MED16: variants seen among roughly 807,000 people sequenced by gnomAD.
MED16 encodes mediator of RNA polymerase II transcription subunit 16.
Under a neutral mutation model 84.4 loss-of-function variants are expected in MED16, and 81 were observed. The ratio of observed to expected loss-of-function variants is 0.96; its 90% CI spans 0.80 to 1.15. The LOEUF (loss-of-function observed/expected upper bound fraction) is 1.15, where lower values mean the gene tolerates loss of function less well. Ranked by LOEUF, MED16 falls within the 50% of genes most tolerant of loss-of-function variation. The pLI is 0.00. For synonymous variants in MED16, 897 were observed against 552.2 expected, an observed-to-expected ratio of 1.62 and a Z score of -8.76; for missense variants, 1,585 against 1,245.9, an observed-to-expected ratio of 1.27 and a Z score of -4.10.
intron 2 of MED16, 86 bp downstream of exon 2, chr19:890,877 C>G: frequency 7.0e-7 from 1 of 1,421,008 alleles, no homozygotes; most frequent in Non-Finnish European, 9.5e-7. Flanking sequence ...GAGACCGAGT[C>G]CCTTCAAGGC....
intron 13 of MED16, among the ~76,000 whole-genome samples, chr19:869,362 G>A (rs910911434): frequency 6.6e-6 from 1 of 151,888 alleles, no homozygotes; most frequent in Non-Finnish European, 1.5e-5. Flanking sequence ...CCGGCCTGGA[G>A]GTGCCGGGAC....
chr19:876,805 G>A (rs1203149521), intron 9 of MED16, among the ~76,000 whole-genome samples, 169 bp downstream of exon 9: 4 of 152,200 alleles, frequency 2.6e-5, no homozygotes, highest in African/African-American at 7.2e-5. Flanking sequence ...CCCTGCTGCT[G>A]GCACTTTACT....
rs1374151603 is a variant in MED16, at chr19:879,152, G to A, written c.1353+785C>T. ...GCCCCAGCCCCAGCCCCAGCCCCACGTGCCCCAGCAGCTCGCCTTCCCCTG... is the reference window on the plus strand; with the variant it reads ...GCCCCAGCCCCAGCCCCAGCCCCACATGCCCCAGCAGCTCGCCTTCCCCTG... On this transcript the variant is annotated intron_variant, in intron 8 of 15. Coordinates refer to ENST00000325464, the MANE Select transcript of MED16 (RefSeq NM_005481.3). Among the ~76,000 whole-genome samples, 6 of 73,120 alleles carry A rather than the reference G, an allele frequency of 8.2e-5. No homozygotes were observed. The Admixed American group carries it at 8.7e-4, about 11-fold the overall frequency. The allele number at this position is 73,120 out of a possible 152,430, so 48.0% of individuals were successfully genotyped here.
Position 872,101 on chromosome 19 carries a change from C to A in MED16, c.1923G>T (p.Pro641=). The A allele has an allele frequency of 1.2e-6, 2 of 1,605,878 alleles. No homozygotes were observed. Among genetic ancestry groups the A allele is most frequent in the South Asian group, 1.1e-5 (1 of 90,516 alleles). ...SLPNQGSLLR[P]GHSFLRDGTS... is the part of the protein sequence containing the mutation. Reference sequence around the variant, plus strand: ...TGCCGTCCCGCAGAAAGCTGTGGCCCGGCCTCAGCAGGGAACCCTGCCCGA... The same window carrying A: ...TGCCGTCCCGCAGAAAGCTGTGGCCAGGCCTCAGCAGGGAACCCTGCCCGA... The change falls in exon 12 of 16, where the codon CCG becomes CCT. Residue 641 remains proline (P), a synonymous_variant. Transcript: ENST00000325464.
Position 871,721 on chromosome 19 carries a change from G to A in MED16, c.2098+205C>T, listed in dbSNP as rs549003738. ...TGCCACCTGCAGGGGCTTATGTTCT[G>A]GCGGGGGGCTCAGGCAGGACTTGTG... On this transcript the variant is annotated intron_variant, in intron 12 of 15. Coordinates refer to ENST00000325464, the MANE Select transcript of MED16 (RefSeq NM_005481.3). 39 of 1,270,070 alleles carry A rather than the reference G, an allele frequency of 3.1e-5. 1 individual carries two copies. The South Asian group carries it at 4.2e-4, about 14-fold the overall frequency. The allele number at this position is 1,270,070 out of a possible 1,614,324, so 78.7% of individuals were successfully genotyped here.
intron 12 of MED16, chr19:871,602 G>C: frequency 1.9e-6 from 3 of 1,595,958 alleles, no homozygotes; most frequent in South Asian, 2.2e-5. Flanking sequence ...CAGCAAACAG[G>C]TGCCTGGAAG....
At chr19:876,302 G>A (rs540896512) in intron 9 of MED16, among the ~76,000 whole-genome samples, 123 of 152,202 alleles carry the variant, frequency 8.1e-4, no homozygotes, top group Non-Finnish European at 1.5e-3. Flanking sequence ...CCACTGCAAG[G>A]GACCCTTCTG....
At chr19:884,142 G>A (rs762224687) in intron 6 of MED16, among the ~76,000 whole-genome samples, 10 of 152,124 alleles carry the variant, frequency 6.6e-5, no homozygotes, top group Non-Finnish European at 1.0e-4. Context: ...GTCCATTAGC[G>A]CTAATCGGCA....
rs752859155 is a variant in MED16, at chr19:868,822, C to T, written c.2399+41G>A. ...CTAGAATCAGCTGAGCCATCCCCAGCGGCACATCTCTGGGAGTCAGCGGTT... is the reference window on the plus strand; with the variant it reads ...CTAGAATCAGCTGAGCCATCCCCAGTGGCACATCTCTGGGAGTCAGCGGTT... On this transcript the variant is annotated intron_variant, in intron 14 of 15. Coordinates refer to ENST00000325464, the MANE Select transcript of MED16 (RefSeq NM_005481.3). 1.4e-5 allele frequency: 22 copies of T among 1,525,680 alleles called. No individual in the cohort carries two copies. The East Asian group carries it at 1.5e-4, about 10-fold the overall frequency. 94.5% of individuals were successfully genotyped at this position (1,525,680 alleles called of 1,614,324 possible).
chr19:888,244 G>A lies in MED16; in HGVS notation c.447+1394C>T, dbSNP rs140017223. On this transcript the variant is annotated intron_variant, in intron 4 of 15. Transcript: ENST00000325464. Reference sequence around the variant, plus strand: ...AAACAAAAAAGATAAAGGTCTGGCCGGGCTCGTTGGCTCACACCTCTAATC... The same window carrying A: ...AAACAAAAAAGATAAAGGTCTGGCCAGGCTCGTTGGCTCACACCTCTAATC... 3.5e-3 allele frequency among the ~76,000 whole-genome samples: 532 copies of A among 151,548 alleles called. 9 individuals carry two copies. The highest frequency in any genetic ancestry group is 0.012 in the African/African-American group (501 of 41,254).
Position 876,994 on chromosome 19 carries a change from G to A in MED16, c.1540C>T (p.Gln514Ter), listed in dbSNP as rs1483101972. 3 of 1,603,036 alleles carry A rather than the reference G, an allele frequency of 1.9e-6. No homozygotes were observed. The highest frequency in any genetic ancestry group is 1.7e-6 in the Non-Finnish European group (2 of 1,177,176). ...VEKLHEEYTRQTAALQQVLST... is the reference protein window; with the variant it reads ...VEKLHEEYTR ...CCCACCTGCTGCAGGGCAGCGGTCT[G>A]GCGCGTGTACTCCTCGTGCAGCTTC... Residue 514 changes from glutamine to a stop codon, truncating the protein, a stop_gained, in exon 9 of 16, where the codon CAG (glutamine) becomes TAG (stop). Coordinates refer to ENST00000325464, the MANE Select transcript of MED16 (RefSeq NM_005481.3). LOFTEE classifies it high-confidence loss of function.
chr19:873,604 G>C (rs745592992), intron 10 of MED16, 22 bp from the exon 11 acceptor site: 12 of 1,611,092 alleles, frequency 7.4e-6, no homozygotes, highest in Non-Finnish European at 1.0e-5. Flanking sequence ...CGTGGGTCGG[G>C]TCAGCTCGGG....
chr19:868,224 G>T lies in MED16; in HGVS notation c.2511C>A (p.Ala837=). The change falls in exon 16 of 16, where the codon GCC becomes GCA. Residue 837 remains alanine (A), a synonymous_variant. Coordinates refer to ENST00000325464, the MANE Select transcript of MED16 (RefSeq NM_005481.3). The part of the protein sequence containing the change: ...CLAVEGRGPD[A]CVTSRASEEA... Reference sequence around the variant, plus strand: ...CCTCAGAAGCTCTGCTGGTCACGCAGGCGTCCGGCCCACGGCCTTCAACAG... The same window carrying T: ...CCTCAGAAGCTCTGCTGGTCACGCATGCGTCCGGCCCACGGCCTTCAACAG... The T allele has an allele frequency of 6.3e-7, 1 of 1,599,858 alleles. No homozygotes were observed.
chr19:869,652 G>A lies in MED16; in HGVS notation c.2316-706C>T, dbSNP rs75057096. ...GCCAGGGCGCCTTCCCGGAGGTCCC[G>A]GAGCCAAGCCGGGGGTGCCTTCCCT... On this transcript the variant is annotated intron_variant, in intron 13 of 15. Coordinates refer to ENST00000325464, the MANE Select transcript of MED16 (RefSeq NM_005481.3). Among the ~76,000 whole-genome samples the A allele has an allele frequency of 4.8e-3, 731 of 152,164 alleles. 20 individuals are homozygous for A. The highest frequency in any genetic ancestry group is 0.047 in the East Asian group (245 of 5,174).
intron 8 of MED16, among the ~76,000 whole-genome samples, chr19:878,217 G>A (rs2036310087): frequency 1.8e-5 from 2 of 109,542 alleles, no homozygotes; most frequent in African/African-American, 7.2e-5. Flanking sequence ...ACCTTCCCCT[G>A]GTTGTCAATG....
intron 13 of MED16, among the ~76,000 whole-genome samples, chr19:870,709 G>A (rs139472527): frequency 0.011 from 1,704 of 151,900 alleles, 42 homozygotes; most frequent in African/African-American, 0.039. Context: ...CATGACTGGA[G>A]AACATGGAGG....
Position 882,400 on chromosome 19 carries a change from G to A in MED16, c.986-686C>T, listed in dbSNP as rs1430855989. On this transcript the variant is annotated intron_variant, in intron 6 of 15. Transcript: ENST00000325464. ...GTGGTGGTGATGCACGCCTGCACAC[G>A]CCTGTAGTCCCAGCTACTCAGGAGG... Among the ~76,000 whole-genome samples, 11 of 145,598 alleles carry A rather than the reference G, an allele frequency of 7.6e-5. No homozygotes were observed. The East Asian group carries it at 2.1e-3, about 28-fold the overall frequency.
chr19:890,406 C>T (rs956424165), intron 2 of MED16, 162 bp from the exon 3 acceptor site: 12 of 558,608 alleles, frequency 2.1e-5, no homozygotes, highest in African/African-American at 7.6e-5. Flanking sequence ...GCTGTCCCCC[C>T]GCAGGAACAG....
At chr19:891,726 C>T (rs894354836) in intron 1 of MED16, among the ~76,000 whole-genome samples, 2 of 107,556 alleles carry the variant, frequency 1.9e-5, no homozygotes, top group East Asian at 2.6e-4. Context: ...CACCTGTGGC[C>T]GAGGCGGGGC....
Sources: allele counts gnomAD v4.1 joint callset (sites outside exome capture counted in the v4.1 genomes callset), GRCh38; gene constraint gnomAD v4.1.1; transcripts MANE v1.5; gene names NCBI Gene and HGNC (gene_info 2026-07-23, HGNC 2026-07-21).